KCNJ6: variants seen among roughly 807,000 people sequenced by gnomAD.
The protein encoded by KCNJ6 is potassium inwardly rectifying channel subfamily J member 6.
A neutral mutation model predicts 34.2 loss-of-function variants in KCNJ6; 9 were observed. The ratio of observed to expected loss-of-function variants is 0.26; its 90% confidence interval spans 0.16 to 0.46. The LOEUF (loss-of-function observed/expected upper bound fraction) is 0.46, where lower values mean the gene tolerates loss of function less well. Among genes scored for constraint, KCNJ6 ranks in the 20% least tolerant of loss-of-function variants. KCNJ6 has a pLI of 1.00. For missense variants in KCNJ6, 236 were observed against 531.3 expected (o/e 0.44, Z 5.46); for synonymous variants, 196 against 207.1 (o/e 0.95, Z 0.46).
At chr21:37,791,855 T>C (rs1462325765) in intron 2 of KCNJ6, among the ~76,000 whole-genome samples, 2 of 152,232 alleles carry the variant, frequency 1.3e-5, no homozygotes, top group African/African-American at 4.8e-5. Flanking sequence ...AATGCATTCA[T>C]ATAATTTGTA....
Position 37,709,905 on chromosome 21 carries a change from GTCC to G in KCNJ6, c.946+4303_946+4305del, listed in dbSNP as rs368560335. Among the ~76,000 whole-genome samples, 16 of 152,312 alleles carry G rather than the reference GTCC, an allele frequency of 1.1e-4. No individual in the cohort carries two copies. In the East Asian group the frequency reaches 3.1e-3, roughly 29 times the overall value. ...CACCTATTTCCAGTGAACACTGGCTGTCCTCCTTGTTAACTCCCAGATGGCAAC... is the reference window on the plus strand; with the variant it reads ...CACCTATTTCCAGTGAACACTGGCTGTCCTTGTTAACTCCCAGATGGCAAC... On this transcript the variant is annotated intron_variant, in intron 3 of 3. Transcript: ENST00000609713.
intron 2 of KCNJ6, among the ~76,000 whole-genome samples, chr21:37,839,190 T>C (rs2055466708): frequency 6.6e-6 from 1 of 152,218 alleles, no homozygotes; most frequent in Non-Finnish European, 1.5e-5. Flanking sequence ...TCAAACCAAG[T>C]TGTAAATTCT....
chr21:37,668,999 T>G (rs1246459090), intron 3 of KCNJ6, among the ~76,000 whole-genome samples: 1 of 152,174 alleles, frequency 6.6e-6, no homozygotes, highest in African/African-American at 2.4e-5. Flanking sequence ...GATTAGCACC[T>G]TTAAAAGATC....
At chr21:37,627,297 T>G (rs1287742856) in intron 3 of KCNJ6, among the ~76,000 whole-genome samples, 1 of 152,200 alleles carries the variant, frequency 6.6e-6, no homozygotes, top group Admixed American at 6.5e-5. Flanking sequence ...TTTCCCTGAA[T>G]GACCCACAGA....
rs2123354703 is a variant in KCNJ6, at chr21:37,617,120, C to CTTAG, written c.*8038_*8039insCTAA. 1 of 119,148 alleles carries CTTAG rather than the reference C, an allele frequency of 8.4e-6. No individual in the cohort carries two copies. The highest frequency in any genetic ancestry group is 2.9e-4 in the South Asian group (1 of 3,448). 7.4% of individuals were successfully genotyped at this position (119,148 alleles called of 1,614,324 possible). A position where few individuals can be genotyped will look rare whatever the true frequency, so the allele number is the denominator to read the frequency against. Reference sequence around the variant, plus strand: ...CTTTTCTTTCTTTCTTTCCTTCTTCCTTCCTTCCTTCTTTCTTTCCTTCCT... The same window carrying CTTAG: ...CTTTTCTTTCTTTCTTTCCTTCTTCCTTAGTTCCTTCCTTCTTTCTTTCCTTCCT... On this transcript the variant is annotated 3_prime_UTR_variant, in exon 4 of 4. Coordinates refer to ENST00000609713, the MANE Select transcript of KCNJ6 (RefSeq NM_002240.5).
chr21:37,880,334 C>T (rs1159668551), intron 1 of KCNJ6, among the ~76,000 whole-genome samples: 2 of 152,186 alleles, frequency 1.3e-5, no homozygotes, highest in African/African-American at 4.8e-5. Flanking sequence ...CATTGTACAC[C>T]ACCTCTCACC....
chr21:37,774,498 C>T (rs923178322), intron 2 of KCNJ6, among the ~76,000 whole-genome samples: 1 of 151,920 alleles, frequency 6.6e-6, no homozygotes, highest in African/African-American at 2.4e-5. Context: ...ATCCCTCCCC[C>T]CCTCCCCCTA....
At chr21:37,825,995 G>C (rs1022062638) in intron 2 of KCNJ6, among the ~76,000 whole-genome samples, 3 of 151,998 alleles carry the variant, frequency 2.0e-5, no homozygotes, top group Non-Finnish European at 2.9e-5. Flanking sequence ...ATTTGGGAGG[G>C]GACACAGCCA....
At chr21:37,641,546 G>T (rs575855302) in intron 3 of KCNJ6, among the ~76,000 whole-genome samples, 1 of 152,288 alleles carries the variant, frequency 6.6e-6, no homozygotes, top group African/African-American at 2.4e-5. Flanking sequence ...CCCTGAGGAT[G>T]TGACATTTGA....
At chr21:37,651,399 C>T (rs950580407) in intron 3 of KCNJ6, among the ~76,000 whole-genome samples, 4 of 152,156 alleles carry the variant, frequency 2.6e-5, no homozygotes, top group Admixed American at 1.3e-4. Flanking sequence ...TAGGATCCTC[C>T]TCTCTGTGTT....
chr21:37,738,047 G>A (rs2054922122), intron 2 of KCNJ6, among the ~76,000 whole-genome samples: 1 of 152,126 alleles, frequency 6.6e-6, no homozygotes, highest in African/African-American at 2.4e-5. Context: ...ATACTTTCCA[G>A]GGCTGTATTT....
chr21:37,880,696 T>A (rs984042585), intron 1 of KCNJ6, among the ~76,000 whole-genome samples: 3 of 152,234 alleles, frequency 2.0e-5, no homozygotes, highest in Non-Finnish European at 4.4e-5. Flanking sequence ...AAGGACTTCC[T>A]CAGGAATACA....
intron 2 of KCNJ6, among the ~76,000 whole-genome samples, chr21:37,761,187 G>A (rs1209824164): frequency 6.6e-6 from 1 of 151,074 alleles, no homozygotes; most frequent in Non-Finnish European, 1.5e-5. Flanking sequence ...GTGCATGTGT[G>A]TGCGATGTGT....
At chr21:37,826,724 C>T (rs1043436303) in intron 2 of KCNJ6, among the ~76,000 whole-genome samples, 1 of 152,026 alleles carries the variant, frequency 6.6e-6, no homozygotes, top group Non-Finnish European at 1.5e-5. Context: ...TCCTTGATGG[C>T]CTTAGAGTAA....
chr21:37,699,653 C>T, intron 3 of KCNJ6, among the ~76,000 whole-genome samples: 1 of 152,176 alleles, frequency 6.6e-6, no homozygotes, highest in Middle Eastern at 3.2e-3. Context: ...CTTGGAGAGT[C>T]TCTGTTGGAC....
chr21:37,744,615 T>C (rs1183963285), intron 2 of KCNJ6, among the ~76,000 whole-genome samples: 1 of 152,164 alleles, frequency 6.6e-6, no homozygotes, highest in Non-Finnish European at 1.5e-5. Flanking sequence ...GAAGTGGAGA[T>C]TAAGTAGTTG....
Position 37,697,525 on chromosome 21 carries a change from T to C in KCNJ6, c.946+16686A>G, listed in dbSNP as rs537485187. On this transcript the variant is annotated intron_variant, in intron 3 of 3. Transcript: ENST00000609713. ...CATATGTGCTACTGGTACTCAAGCGTTTGTTGCAATTATTCTGATCCAAGG... is the reference window on the plus strand; with the variant it reads ...CATATGTGCTACTGGTACTCAAGCGCTTGTTGCAATTATTCTGATCCAAGG... Among the ~76,000 whole-genome samples, 5 of 152,274 alleles carry C rather than the reference T, an allele frequency of 3.3e-5. 1 individual carries two copies. Among genetic ancestry groups the C allele is most frequent in the Admixed American group, 1.3e-4 (2 of 15,294 alleles).
Position 37,715,134 on chromosome 21 carries a change from G to C in KCNJ6, c.26-3C>G. The C allele has an allele frequency of 1.2e-6, 2 of 1,605,150 alleles. No homozygotes were observed. Among genetic ancestry groups the C allele is most frequent in the East Asian group, 2.2e-5 (1 of 44,782 alleles). On this transcript the variant is annotated splice_region_variant and splice_polypyrimidine_tract_variant and intron_variant, in intron 2 of 3. Coordinates refer to ENST00000609713, the MANE Select transcript of KCNJ6 (RefSeq NM_002240.5). Reference sequence around the variant, plus strand: ...GGAGTCGCCCTCCAGGACGTTAGCTGGTGGTTTGGAGAAAAGAAAAGAAAC... The same window carrying C: ...GGAGTCGCCCTCCAGGACGTTAGCTCGTGGTTTGGAGAAAAGAAAAGAAAC...
intron 1 of KCNJ6, among the ~76,000 whole-genome samples, chr21:37,841,455 T>G (rs1300022678): frequency 6.6e-6 from 1 of 152,238 alleles, no homozygotes; most frequent in Admixed American, 6.5e-5. Context: ...CCCACTATTA[T>G]TATACTTTTT....
Sources: gnomAD v4.1 joint callset for allele counts (sites outside exome capture counted in the v4.1 genomes callset) on GRCh38, gnomAD v4.1.1 for gene constraint, MANE v1.5 for transcripts, NCBI Gene and HGNC (gene_info 2026-07-23, HGNC 2026-07-21) for gene names.